GOLGA4: variants seen among roughly 807,000 people sequenced by gnomAD.
The protein encoded by GOLGA4 is golgin A4.
In GOLGA4, 169 loss-of-function variants were observed where a neutral mutation model predicts 265.9. The ratio of observed to expected loss-of-function variants is 0.64; its 90% CI spans 0.56 to 0.72. The LOEUF is 0.72. Ranked by LOEUF, GOLGA4 falls within the 30% of genes least tolerant of loss-of-function variation. The probability of loss-of-function intolerance (pLI) is 0.00; values close to 1 mark genes in which losing one functional copy is unlikely to be tolerated. For missense variants in GOLGA4, 2,482 were observed against 2,483.4 expected, an observed-to-expected ratio of 1.00 and a Z score of 0.01; for synonymous variants, 923 against 855.8, an observed-to-expected ratio of 1.08 and a Z score of -1.37.
chr3:37,265,117 T>TTTG (rs1553872530), intron 2 of GOLGA4, among the ~76,000 whole-genome samples: 1 of 147,550 alleles, frequency 6.8e-6, no homozygotes, highest in Admixed American at 6.8e-5. Flanking sequence ...CATGCTCATA[T>TTTG]TGTGTGTGTG....
At chr3:37,266,679 T>C (rs2096784615) in intron 2 of GOLGA4, among the ~76,000 whole-genome samples, 1 of 152,182 alleles carries the variant, frequency 6.6e-6, no homozygotes, top group East Asian at 1.9e-4. Context: ...TTATTATTTC[T>C]GTGGGTGAGA....
chr3:37,362,514 A>C (rs1429834764), intron 23 of GOLGA4, among the ~76,000 whole-genome samples: 1 of 150,864 alleles, frequency 6.6e-6, no homozygotes, highest in Non-Finnish European at 1.5e-5. Flanking sequence ...TGCTGGGATT[A>C]CAGGCGTGAG....
At chr3:37,282,579 C>T (rs186882802) in intron 3 of GOLGA4, among the ~76,000 whole-genome samples, 37 of 152,282 alleles carry the variant, frequency 2.4e-4, no homozygotes, top group African/African-American at 8.9e-4. Flanking sequence ...ACTTGGACAC[C>T]CAGTGTGGAG....
chr3:37,275,753 G>T, intron 2 of GOLGA4: 1 of 1,613,118 alleles, frequency 6.2e-7, no homozygotes, highest in Middle Eastern at 1.8e-4. Context: ...GAAGAAGAAC[G>T]CGGCTGGAGC....
chr3:37,311,748 C>G (rs2096923693), intron 10 of GOLGA4, among the ~76,000 whole-genome samples: 1 of 152,124 alleles, frequency 6.6e-6, no homozygotes, highest in Admixed American at 6.5e-5. Context: ...ATCCTACTTT[C>G]ATTGTTGTAT....
rs1559383108 is a variant in GOLGA4 at position 37,286,134 on chromosome 3, C to CTTTTT, written c.525+76_525+77insTTTTT. The CTTTTT allele has an allele frequency of 1.9e-3, 280 of 149,106 alleles. 33 individuals carry two copies. Among genetic ancestry groups the CTTTTT allele is most frequent in the African/African-American group, 6.8e-3 (166 of 24,318 alleles). The allele number at this position is 149,106 out of a possible 1,614,324, so 9.2% of individuals were successfully genotyped here. Reference sequence around the variant, plus strand: ...AAAGATCTTATATAGTAAGATATTTCTTTCTTTTTTTTTTTTTTTTTTTTT... The same window carrying CTTTTT: ...AAAGATCTTATATAGTAAGATATTTCTTTTTTTTCTTTTTTTTTTTTTTTTTTTTT... On this transcript the variant is annotated intron_variant, in intron 4 of 23. Coordinates refer to ENST00000361924, the MANE Select transcript of GOLGA4 (RefSeq NM_002078.5).
intron 10 of GOLGA4, among the ~76,000 whole-genome samples, chr3:37,308,900 C>G (rs1436051640): frequency 1.3e-5 from 2 of 152,022 alleles, no homozygotes; most frequent in Non-Finnish European, 2.9e-5. Flanking sequence ...AGGCGTGAGC[C>G]ACTGCGCCTG....
At chr3:37,322,427 G>A (rs961557176) in intron 13 of GOLGA4, among the ~76,000 whole-genome samples, 1 of 152,008 alleles carries the variant, frequency 6.6e-6, no homozygotes, top group Non-Finnish European at 1.5e-5. Context: ...CCTTTCCTTA[G>A]CAGTATTTGA....
intron 2 of GOLGA4, among the ~76,000 whole-genome samples, chr3:37,265,432 T>C (rs1408852330): frequency 6.6e-6 from 1 of 152,244 alleles, no homozygotes; most frequent in East Asian, 1.9e-4. Flanking sequence ...TAAAGTTTTT[T>C]ATGTTTTATC....
chr3:37,266,331 C>CT (rs1175536385), intron 2 of GOLGA4, among the ~76,000 whole-genome samples: 1 of 152,098 alleles, frequency 6.6e-6, no homozygotes, highest in Non-Finnish European at 1.5e-5. Flanking sequence ...TCCTGAGTGG[C>CT]TGGGACTACA....
intron 10 of GOLGA4, among the ~76,000 whole-genome samples, chr3:37,307,421 T>G (rs1365582683): frequency 1.3e-5 from 2 of 152,226 alleles, no homozygotes; most frequent in Non-Finnish European, 2.9e-5. Flanking sequence ...TTTAACTGCT[T>G]TGTTAGTTGC....
At chr3:37,248,747 A>G (rs1438710411) in intron 1 of GOLGA4, among the ~76,000 whole-genome samples, 13 of 152,184 alleles carry the variant, frequency 8.5e-5, no homozygotes, top group South Asian at 4.1e-4. Flanking sequence ...CAGTTTCTCC[A>G]GAGCTGATGA....
chr3:37,251,152 C>T (rs2096732598), intron 1 of GOLGA4, among the ~76,000 whole-genome samples: 1 of 152,122 alleles, frequency 6.6e-6, no homozygotes, highest in Non-Finnish European at 1.5e-5. Context: ...ACACATAGTC[C>T]TCAAAAAGTT....
chr3:37,254,902 T>C (rs1455424957), intron 2 of GOLGA4, among the ~76,000 whole-genome samples: 1 of 148,162 alleles, frequency 6.7e-6, no homozygotes, highest in Admixed American at 6.8e-5. Flanking sequence ...AATTAGCTTA[T>C]ATATTATATA....
At position 37,348,518 on chromosome 3, in the gene GOLGA4, A is replaced by G. The variant is rs868658912; in HGVS notation, c.6576+1222A>G. On this transcript the variant is annotated intron_variant, in intron 21 of 23. Coordinates refer to ENST00000361924, the MANE Select transcript of GOLGA4 (RefSeq NM_002078.5). The stretch of plus-strand genomic sequence containing the variant: ...TACAGCTTTCTCTTATTATGTCCCT[A>G]TGGGACATACACTATCTCACCTCAA... Among the ~76,000 whole-genome samples, 13 of 152,254 alleles carry G rather than the reference A, an allele frequency of 8.5e-5. No homozygotes were observed. The East Asian group carries it at 1.5e-3, about 18-fold the overall frequency.
chr3:37,261,345 CTT>C (rs2096769453), intron 2 of GOLGA4, among the ~76,000 whole-genome samples: 1 of 152,072 alleles, frequency 6.6e-6, no homozygotes, highest in Admixed American at 6.6e-5. Flanking sequence ...GTAGATAAAA[CTT>C]AAAAAACATT....
At chr3:37,343,115 T>C (rs6781732) in intron 20 of GOLGA4, among the ~76,000 whole-genome samples, 5,841 of 151,122 alleles carry the variant, frequency 0.039, 140 homozygotes, top group African/African-American at 0.056. Flanking sequence ...GCTGGGTTTT[T>C]TGTTTGTTTG....
intron 2 of GOLGA4, among the ~76,000 whole-genome samples, chr3:37,258,578 T>G (rs1426353281): frequency 6.6e-6 from 1 of 152,130 alleles, no homozygotes; most frequent in African/African-American, 2.4e-5. Flanking sequence ...TCTGCCCACC[T>G]TGGACTCCTA....
chr3:37,352,474 G>T (rs1018503212), intron 21 of GOLGA4, among the ~76,000 whole-genome samples: 5 of 152,050 alleles, frequency 3.3e-5, no homozygotes, highest in Non-Finnish European at 5.9e-5. Flanking sequence ...AACACATGGG[G>T]ATTGTGGGAA....
Sources: gnomAD v4.1 joint callset for allele counts (sites outside exome capture counted in the v4.1 genomes callset) on GRCh38, gnomAD v4.1.1 for gene constraint, MANE v1.5 for transcripts, NCBI Gene and HGNC (gene_info 2026-07-23, HGNC 2026-07-21) for gene names.